Variants in ZFYVE9 observed in about 807,000 individuals in gnomAD.
The protein encoded by ZFYVE9 is zinc finger FYVE-type containing 9.
ZFYVE9 carries 43 observed loss-of-function variants against 126.7 expected under a neutral mutation model. The ratio of observed to expected loss-of-function variants is 0.34; its 90% CI spans 0.27 to 0.44. ZFYVE9 has a LOEUF of 0.44. Among genes scored for constraint, ZFYVE9 ranks in the 20% least tolerant of loss-of-function variants. The pLI is 1.00. For missense variants in ZFYVE9, 1,476 were observed against 1,697.0 expected (o/e 0.87, Z 2.29); for synonymous variants, 521 against 597.4 (o/e 0.87, Z 1.87).
intron 9 of ZFYVE9, 115 bp downstream of exon 9, chr1:52,278,729 T>C: frequency 6.2e-6 from 5 of 807,408 alleles, no homozygotes; most frequent in Non-Finnish European, 9.2e-6. Flanking sequence ...CTTTTTTTTT[T>C]TCTTTTTTTT....
chr1:52,171,130 T>C (rs1406474736), intron 1 of ZFYVE9, among the ~76,000 whole-genome samples: 1 of 152,162 alleles, frequency 6.6e-6, no homozygotes, highest in East Asian at 1.9e-4. Context: ...TAGGTATATC[T>C]CCTAATGCTG....
intron 6 of ZFYVE9, among the ~76,000 whole-genome samples, chr1:52,267,246 G>A (rs771213831): frequency 6.6e-6 from 1 of 152,178 alleles, no homozygotes; most frequent in Non-Finnish European, 1.5e-5. Context: ...TTGCTTTTTG[G>A]AGTATACATT....
At chr1:52,179,859 A>C (rs1019806953) in intron 1 of ZFYVE9, 1 of 706,440 alleles carries the variant, frequency 1.4e-6, no homozygotes, top group Admixed American at 1.9e-5. Flanking sequence ...CAGGACCCCA[A>C]CGCAGACACT....
At chr1:52,290,695 C>T (rs547309243) in intron 10 of ZFYVE9, among the ~76,000 whole-genome samples, 2 of 152,046 alleles carry the variant, frequency 1.3e-5, no homozygotes, top group East Asian at 3.9e-4. Flanking sequence ...GCAGTGGCTG[C>T]CAGAAAAAAT....
At chr1:52,284,207 C>G (rs990148938) in intron 10 of ZFYVE9, among the ~76,000 whole-genome samples, 5 of 152,056 alleles carry the variant, frequency 3.3e-5, no homozygotes, top group South Asian at 2.1e-4. Context: ...ATGAAAATGG[C>G]AGATGATTAT....
intron 1 of ZFYVE9, among the ~76,000 whole-genome samples, chr1:52,152,274 G>A (rs1235538860): frequency 6.6e-6 from 1 of 152,222 alleles, no homozygotes. Flanking sequence ...ACAGGCATGA[G>A]CCAGTGTGCC....
At chr1:52,196,522 A>T (rs974192163) in intron 1 of ZFYVE9, among the ~76,000 whole-genome samples, 4 of 152,116 alleles carry the variant, frequency 2.6e-5, no homozygotes, top group South Asian at 2.1e-4. Flanking sequence ...CTGTAGTCCC[A>T]GCTACTCGGG....
intron 1 of ZFYVE9, among the ~76,000 whole-genome samples, chr1:52,181,580 C>T (rs1257328706): frequency 5.2e-4 from 79 of 151,686 alleles, no homozygotes; most frequent in Non-Finnish European, 1.9e-4. Flanking sequence ...TGCCTGGCTG[C>T]CCAGTCTGGA....
chr1:52,293,926 T>C (rs1209549572), intron 11 of ZFYVE9, among the ~76,000 whole-genome samples: 2 of 152,242 alleles, frequency 1.3e-5, no homozygotes, highest in East Asian at 1.9e-4. Flanking sequence ...CGATCATCTT[T>C]AGAAAAGTGA....
intron 4 of ZFYVE9, among the ~76,000 whole-genome samples, chr1:52,257,052 G>A (rs1645528837): frequency 3.3e-5 from 5 of 152,154 alleles, no homozygotes; most frequent in Admixed American, 2.6e-4. Flanking sequence ...GAATTGCAAA[G>A]GAATAAGTGT....
intron 10 of ZFYVE9, among the ~76,000 whole-genome samples, chr1:52,286,506 T>A: frequency 6.6e-6 from 1 of 152,222 alleles, no homozygotes; most frequent in East Asian, 1.9e-4. Context: ...CATTATAATT[T>A]GTGAGAAATT....
intron 1 of ZFYVE9, among the ~76,000 whole-genome samples, chr1:52,177,799 A>G (rs1644651833): frequency 6.6e-6 from 1 of 152,236 alleles, no homozygotes; most frequent in Admixed American, 6.5e-5. Flanking sequence ...ATGTGGAACA[A>G]CATATGCTAT....
At chr1:52,202,087 A>G (rs143531401) in intron 1 of ZFYVE9, among the ~76,000 whole-genome samples, 11 of 152,296 alleles carry the variant, frequency 7.2e-5, no homozygotes, top group African/African-American at 2.2e-4. Flanking sequence ...CACAGCCCAA[A>G]GTGATTATTG....
intron 15 of ZFYVE9, among the ~76,000 whole-genome samples, chr1:52,336,359 G>GTTTTTTTT (rs772004330): frequency 3.2e-5 from 3 of 95,014 alleles, no homozygotes; most frequent in Non-Finnish European, 4.2e-5. Flanking sequence ...AATCTAAGAG[G>GTTTTTTTT]TTTTTTTTGT....
At chr1:52,270,008 C>A (rs1645673598) in intron 7 of ZFYVE9, among the ~76,000 whole-genome samples, 1 of 151,982 alleles carries the variant, frequency 6.6e-6, no homozygotes, top group African/African-American at 2.4e-5. Flanking sequence ...AGTGAATACC[C>A]ATATACTCTT....
rs1233281592 is a variant in ZFYVE9, at chr1:52,237,919, G to T, written c.502G>T (p.Asp168Tyr). Reference protein sequence around the residue: ...DKRTLQNDLQDCNNYNSQSLM... With the variant: ...DKRTLQNDLQYCNNYNSQSLM... ...AAGGACATTACAAAACGATTTACAG[G>T]ATTGTAATAATTATAATAGTCAATC... Residue 168 changes from aspartate (D) to tyrosine (Y), a missense_variant, in exon 4 of 19, where the codon GAT (aspartate) becomes TAT (tyrosine). Asp to Tyr is a radical substitution (Grantham distance 160). Around this residue, in one of 2 missense-constraint regions of ZFYVE9, gnomAD observed 807 missense variants for 794.6 expected, o/e 1.02. Transcript: ENST00000287727. 6.2e-7 allele frequency: 1 copy of T among 1,613,888 alleles called. No individual in the cohort carries two copies. The highest frequency in any genetic ancestry group is 8.5e-7 in the Non-Finnish European group (1 of 1,179,972).
intron 1 of ZFYVE9, among the ~76,000 whole-genome samples, chr1:52,177,203 G>A (rs1644643136): frequency 6.6e-6 from 1 of 150,458 alleles, no homozygotes; most frequent in African/African-American, 2.5e-5. Context: ...AGGCTGGAGT[G>A]CAATGGCAGG....
intron 1 of ZFYVE9, among the ~76,000 whole-genome samples, chr1:52,175,029 G>T (rs914694728): frequency 1.3e-5 from 2 of 152,158 alleles, no homozygotes; most frequent in Non-Finnish European, 2.9e-5. Context: ...TGTTATGTGT[G>T]AATTTGATCC....
At chr1:52,260,204 A>T (rs1183896217) in intron 4 of ZFYVE9, among the ~76,000 whole-genome samples, 1 of 147,130 alleles carries the variant, frequency 6.8e-6, no homozygotes, top group East Asian at 1.9e-4. Context: ...ATCAGTGTTT[A>T]AAAAAAAAAT....
Sources: gnomAD v4.1 joint callset for allele counts (sites outside exome capture counted in the v4.1 genomes callset) on GRCh38, gnomAD v4.1.1 for gene constraint, gnomAD v4.1.1 regional missense constraint, MANE v1.5 for transcripts, NCBI Gene and HGNC (gene_info 2026-07-23, HGNC 2026-07-21) for gene names.